SYN3: variants seen among roughly 807,000 people sequenced by gnomAD.
SYN3 encodes synapsin-3.
SYN3 carries 35 observed loss-of-function variants against 65.8 expected under a neutral mutation model. The observed-to-expected ratio is 0.53, with a 90% CI of 0.41 to 0.70. The LOEUF is 0.70. Ranked by LOEUF, SYN3 falls within the 30% of genes least tolerant of loss-of-function variation. The pLI, the probability that SYN3 is intolerant of heterozygous loss-of-function variation, is 0.00. For missense variants in SYN3, 680 were observed against 749.0 expected, an observed-to-expected ratio of 0.91 and a Z score of 1.08; for synonymous variants, 270 against 292.9, an observed-to-expected ratio of 0.92 and a Z score of 0.80.
At chr22:32,931,702 C>T (rs1403918818) in intron 3 of SYN3, among the ~76,000 whole-genome samples, 2 of 152,208 alleles carry the variant, frequency 1.3e-5, no homozygotes, top group South Asian at 4.1e-4. Flanking sequence ...TAATACAAGG[C>T]CAAACTGGAT....
intron 6 of SYN3, among the ~76,000 whole-genome samples, chr22:32,598,764 C>G (rs1182800666): frequency 1.3e-5 from 2 of 151,962 alleles, no homozygotes; most frequent in Non-Finnish European, 2.9e-5. Context: ...AGGATTCCAG[C>G]CCCGGAAACC....
chr22:32,787,058 CTT>C (rs130552), intron 6 of SYN3, among the ~76,000 whole-genome samples: 8,490 of 130,038 alleles, frequency 0.065, 284 homozygotes, highest in Admixed American at 0.07. Context: ...CTTTTCTTTT[CTT>C]TTTTTTTTTT....
intron 6 of SYN3, among the ~76,000 whole-genome samples, chr22:32,797,938 G>A (rs2046468835): frequency 6.6e-6 from 1 of 152,240 alleles, no homozygotes. Flanking sequence ...GACAGGCAAA[G>A]TGACTTGACC....
intron 1 of SYN3, among the ~76,000 whole-genome samples, chr22:33,038,663 T>C (rs1357741633): frequency 1.3e-5 from 2 of 152,166 alleles, no homozygotes; most frequent in Non-Finnish European, 2.9e-5. Flanking sequence ...TGCACCCTAC[T>C]TTATTAAAGA....
At chr22:32,969,598 G>A (rs1238546278) in intron 3 of SYN3, among the ~76,000 whole-genome samples, 2 of 152,188 alleles carry the variant, frequency 1.3e-5, no homozygotes, top group African/African-American at 4.8e-5. Context: ...GAAAAGCAGG[G>A]ACCCAGGAGA....
intron 6 of SYN3, among the ~76,000 whole-genome samples, chr22:32,780,917 CTTCCTTCCTTCCTTCCT>C (rs1371456238): frequency 1.1e-3 from 132 of 117,548 alleles, no homozygotes; most frequent in African/African-American, 4.7e-3. Context: ...TCCTTGCTTC[CTTCCTTCCTTCCTTCCT>C]TTCCTTCCTT....
At chr22:32,703,596 T>C (rs371477350) in intron 6 of SYN3, among the ~76,000 whole-genome samples, 2 of 150,256 alleles carry the variant, frequency 1.3e-5, no homozygotes, top group East Asian at 3.9e-4. Flanking sequence ...AAGATCATGC[T>C]ACTGCACTCC....
At chr22:32,534,439 G>C (rs978331180) in intron 9 of SYN3, among the ~76,000 whole-genome samples, 16 of 151,970 alleles carry the variant, frequency 1.1e-4, no homozygotes, top group Admixed American at 3.9e-4. Flanking sequence ...GCCCGGGGCG[G>C]GTGGGCTGGG....
intron 6 of SYN3, among the ~76,000 whole-genome samples, chr22:32,822,670 C>G (rs1016723678): frequency 2.6e-5 from 4 of 152,196 alleles, no homozygotes; most frequent in African/African-American, 9.7e-5. Flanking sequence ...CAGTGAAGAT[C>G]TGCACTTCCT....
At chr22:32,936,662 A>T (rs1366754536) in intron 3 of SYN3, among the ~76,000 whole-genome samples, 1 of 152,238 alleles carries the variant, frequency 6.6e-6, no homozygotes, top group African/African-American at 2.4e-5. Context: ...CCATGTGCTC[A>T]CCAGCTAGAG....
In SYN3 at chr22:32,698,012, C is replaced by T. The variant is rs546777885; in HGVS notation, c.712-101276G>A. Reference sequence around the variant, plus strand: ...TTGACATCTAGGTGGCCCCCAGCTACGTGAACAAGACCAGGCAAGATCAGA... The same window carrying T: ...TTGACATCTAGGTGGCCCCCAGCTATGTGAACAAGACCAGGCAAGATCAGA... On this transcript the variant is annotated intron_variant, in intron 6 of 13. Coordinates refer to ENST00000358763, the MANE Select transcript of SYN3 (RefSeq NM_003490.4). Among the ~76,000 whole-genome samples the T allele has an allele frequency of 4.6e-5, 7 of 152,258 alleles. No homozygotes were observed. The East Asian group carries it at 5.8e-4, about 13-fold the overall frequency.
At chr22:32,736,302 T>C (rs1307714084) in intron 6 of SYN3, among the ~76,000 whole-genome samples, 1 of 152,216 alleles carries the variant, frequency 6.6e-6, no homozygotes, top group Non-Finnish European at 1.5e-5. Context: ...TCTGCCACTG[T>C]AGAGTAATTT....
intron 4 of SYN3, among the ~76,000 whole-genome samples, chr22:32,882,580 G>A (rs896230226): frequency 5.9e-5 from 9 of 152,142 alleles, no homozygotes; most frequent in African/African-American, 2.2e-4. Flanking sequence ...GAGGCACAGA[G>A]AGGACAAGCA....
rs146299571 is a variant in SYN3 at position 32,957,529 on chromosome 22, T to C, written c.369+23116A>G. On this transcript the variant is annotated intron_variant, in intron 3 of 13. Transcript: ENST00000358763. ...TTAAAATAATGCACACATGGAGTTT[T>C]TAAAATGAAGAAGAAAAAAGCCCCG... Among the ~76,000 whole-genome samples, 15 of 152,286 alleles carry C rather than the reference T, an allele frequency of 9.8e-5. No individual in the cohort carries two copies. The East Asian group carries it at 2.9e-3, about 29-fold the overall frequency.
chr22:32,552,870 T>C (rs1468730100), intron 7 of SYN3, among the ~76,000 whole-genome samples: 1 of 152,246 alleles, frequency 6.6e-6, no homozygotes, highest in Non-Finnish European at 1.5e-5. Flanking sequence ...CTTACTCTAC[T>C]GGAGCTACTA....
intron 2 of SYN3, among the ~76,000 whole-genome samples, chr22:33,001,622 G>T (rs781048078): frequency 2.0e-5 from 3 of 152,158 alleles, no homozygotes; most frequent in Non-Finnish European, 4.4e-5. Context: ...TGTTACACAG[G>T]AAGGATCACA....
intron 7 of SYN3, among the ~76,000 whole-genome samples, chr22:32,574,599 A>G (rs561749006): frequency 6.6e-6 from 1 of 152,236 alleles, no homozygotes; most frequent in East Asian, 1.9e-4. Context: ...GGTTTCTCTG[A>G]CCTCATCTCC....
chr22:32,956,158 C>CT (rs1362683300), intron 3 of SYN3, among the ~76,000 whole-genome samples: 2,833 of 121,026 alleles, frequency 0.023, 49 homozygotes, highest in Non-Finnish European at 0.029. Flanking sequence ...CCCCTACTAA[C>CT]TTTTTTTTTT....
At chr22:32,809,479 A>G (rs1228052751) in intron 6 of SYN3, among the ~76,000 whole-genome samples, 1 of 151,164 alleles carries the variant, frequency 6.6e-6, no homozygotes, top group Non-Finnish European at 1.5e-5. Flanking sequence ...TTACCTCCTA[A>G]CCCAGTGCCC....
Sources: gnomAD v4.1 joint callset for allele counts (sites outside exome capture counted in the v4.1 genomes callset) on GRCh38, gnomAD v4.1.1 for gene constraint, MANE v1.5 for transcripts, NCBI Gene and HGNC (gene_info 2026-07-23, HGNC 2026-07-21) for gene names.